The following PKNOX2 variants were observed in gnomAD, a reference collection of about 807,000 sequenced individuals.
PKNOX2 encodes the protein homeobox protein PKNOX2.
Under a neutral mutation model 53.1 loss-of-function variants are expected in PKNOX2, and 14 were observed. That is an observed-to-expected ratio of 0.26 (90% CI 0.17 to 0.41). The LOEUF is 0.41. Among genes scored for constraint, PKNOX2 ranks in the 10% least tolerant of loss-of-function variants. The pLI is 1.00. For missense variants in PKNOX2, 496 were observed against 602.8 expected (o/e 0.82, Z 1.85); for synonymous variants, 257 against 242.8 (o/e 1.06, Z -0.54).
intron 3 of PKNOX2, among the ~76,000 whole-genome samples, chr11:125,338,727 C>A (rs1950540370): frequency 6.6e-6 from 1 of 152,302 alleles, no homozygotes; most frequent in Admixed American, 6.5e-5. Flanking sequence ...TCCCTGAGGA[C>A]CAGAGTCCAC....
chr11:125,254,469 G>A (rs572131351), intron 2 of PKNOX2, among the ~76,000 whole-genome samples: 26 of 152,358 alleles, frequency 1.7e-4, no homozygotes, highest in African/African-American at 6.0e-4. Flanking sequence ...AGGAGTCCTC[G>A]TCTTGAGGCC....
At chr11:125,376,025 C>A (rs542077726) in intron 5 of PKNOX2, among the ~76,000 whole-genome samples, 1 of 152,278 alleles carries the variant, frequency 6.6e-6, no homozygotes, top group Admixed American at 6.5e-5. Flanking sequence ...GTATTTTTGC[C>A]CTCGCAGAGC....
chr11:125,399,193 G>A (rs1565516279), intron 7 of PKNOX2, among the ~76,000 whole-genome samples: 1 of 152,226 alleles, frequency 6.6e-6, no homozygotes, highest in South Asian at 2.1e-4. Context: ...CCAGGACATA[G>A]GGCAAGAAGT....
intron 1 of PKNOX2, among the ~76,000 whole-genome samples, chr11:125,224,277 G>C (rs904079379): frequency 2.0e-5 from 3 of 152,258 alleles, no homozygotes; most frequent in Non-Finnish European, 4.4e-5. Context: ...GTGGCTGGCA[G>C]GTGCCAGGTG....
intron 2 of PKNOX2, among the ~76,000 whole-genome samples, chr11:125,235,373 T>C (rs1942585988): frequency 6.6e-6 from 1 of 152,234 alleles, no homozygotes; most frequent in African/African-American, 2.4e-5. Context: ...ACATGTGTCA[T>C]GAGTGCCGGA....
intron 1 of PKNOX2, 43 bp downstream of exon 1, chr11:125,164,819 C>T: frequency 5.7e-6 from 1 of 174,652 alleles, no homozygotes; most frequent in Non-Finnish European, 1.2e-5. Context: ...CTTTTGCAGG[C>T]GGCGGCGGCG....
chr11:125,244,074 C>T (rs1943376268), intron 2 of PKNOX2, among the ~76,000 whole-genome samples: 1 of 152,202 alleles, frequency 6.6e-6, no homozygotes, highest in African/African-American at 2.4e-5. Context: ...GGTAACTGCA[C>T]AAGATTGGAG....
Position 125,231,485 on chromosome 11 carries a change from A to C in PKNOX2, c.-200-3560A>C, listed in dbSNP as rs151149160. ...ATGAATAAGACAAGCCTGAGTTCAA[A>C]TTCTGGTTGCATTATTGCATGGCTG... On this transcript the variant is annotated intron_variant, in intron 1 of 12. Transcript: ENST00000298282. Among the ~76,000 whole-genome samples, 560 of 152,314 alleles carry C rather than the reference A, an allele frequency of 3.7e-3. 2 individuals carry two copies. The highest frequency in any genetic ancestry group is 0.013 in the African/African-American group (541 of 41,570).
intron 4 of PKNOX2, among the ~76,000 whole-genome samples, chr11:125,361,054 T>C (rs565795877): frequency 3.9e-5 from 6 of 152,338 alleles, no homozygotes; most frequent in African/African-American, 1.4e-4. Context: ...TTCTCTTTTG[T>C]GACCTGAGGA....
chr11:125,241,768 T>C (rs1943163644), intron 2 of PKNOX2, among the ~76,000 whole-genome samples: 1 of 152,166 alleles, frequency 6.6e-6, no homozygotes, highest in South Asian at 2.1e-4. Context: ...GGCAGGAGAA[T>C]TGCTTGAACC....
chr11:125,376,680 C>T (rs1952862812), intron 5 of PKNOX2, among the ~76,000 whole-genome samples: 1 of 152,202 alleles, frequency 6.6e-6, no homozygotes, highest in African/African-American at 2.4e-5. Flanking sequence ...TCCACTCATT[C>T]ATTCACTGAT....
intron 1 of PKNOX2, among the ~76,000 whole-genome samples, chr11:125,204,928 G>A (rs541236435): frequency 1.3e-5 from 2 of 152,220 alleles, no homozygotes; most frequent in East Asian, 1.9e-4. Context: ...AAACAAGACC[G>A]TACACTCCCA....
At chr11:125,201,524 G>A (rs1938439765) in intron 1 of PKNOX2, among the ~76,000 whole-genome samples, 1 of 152,216 alleles carries the variant, frequency 6.6e-6, no homozygotes, top group East Asian at 1.9e-4. Context: ...GCCTGGTGCT[G>A]TGTGATTTGC....
intron 2 of PKNOX2, among the ~76,000 whole-genome samples, chr11:125,238,989 G>A (rs887798053): frequency 1.9e-4 from 29 of 152,294 alleles, no homozygotes; most frequent in Middle Eastern, 3.4e-3. Flanking sequence ...GGACTGCTAT[G>A]AGGACTCACT....
intron 2 of PKNOX2, among the ~76,000 whole-genome samples, chr11:125,326,408 G>A (rs115784509): frequency 6.6e-5 from 10 of 152,318 alleles, no homozygotes; most frequent in African/African-American, 2.2e-4. Flanking sequence ...TGGAGAAAAG[G>A]TTCAGATTTG....
At chr11:125,421,801 G>A (rs1385912845) in intron 10 of PKNOX2, among the ~76,000 whole-genome samples, 6 of 152,196 alleles carry the variant, frequency 3.9e-5, no homozygotes, top group Admixed American at 6.5e-5. Flanking sequence ...GAGACCAGCC[G>A]GGGAGCCCTT....
chr11:125,195,883 G>GCACGCGCA (rs1190771243), intron 1 of PKNOX2, among the ~76,000 whole-genome samples: 10 of 143,916 alleles, frequency 6.9e-5, no homozygotes, highest in African/African-American at 2.3e-4. Context: ...ATATGTACAT[G>GCACGCGCA]CACACACACA....
At position 125,167,735 on chromosome 11, in the gene PKNOX2, T is replaced by C. The variant is rs1447233253; in HGVS notation, c.-201+2959T>C. Among the ~76,000 whole-genome samples, 4 of 152,226 alleles carry C rather than the reference T, an allele frequency of 2.6e-5. No individual in the cohort carries two copies. The East Asian group carries it at 7.7e-4, about 29-fold the overall frequency. On this transcript the variant is annotated intron_variant, in intron 1 of 12. Transcript: ENST00000298282. ...TGCTTTAAGTTAATGAAAGTGCTGC[T>C]TTCAAAAGGGGCTTTTATTGTGTGG...
At chr11:125,374,364 G>C (rs914757140) in intron 5 of PKNOX2, among the ~76,000 whole-genome samples, 1 of 152,158 alleles carries the variant, frequency 6.6e-6, no homozygotes, top group South Asian at 2.1e-4. Context: ...TGGGATGGGG[G>C]TTCTTCTGGT....
Sources: allele counts gnomAD v4.1 joint callset (sites outside exome capture counted in the v4.1 genomes callset), GRCh38; gene constraint gnomAD v4.1.1; transcripts MANE v1.5; gene names NCBI Gene and HGNC (gene_info 2026-07-23, HGNC 2026-07-21).